The following ZNF33B variants were observed in gnomAD, a reference collection of about 807,000 sequenced individuals.
ZNF33B encodes the protein zinc finger protein 33B.
ZNF33B carries 29 observed loss-of-function variants against 45.8 expected under a neutral mutation model. The ratio of observed to expected loss-of-function variants is 0.63; its 90% confidence interval spans 0.47 to 0.86. ZNF33B has a LOEUF of 0.86. ZNF33B is among the 40% of genes least tolerant of loss of function. The pLI, the probability that ZNF33B is intolerant of heterozygous loss-of-function variation, is 0.00. For missense variants in ZNF33B, 831 were observed against 909.9 expected, an observed-to-expected ratio of 0.91 and a Z score of 1.12; for synonymous variants, 305 against 307.8, an observed-to-expected ratio of 0.99 and a Z score of 0.10.
chr10:42,633,551 T>A (rs928073628), intron 2 of ZNF33B, among the ~76,000 whole-genome samples: 1 of 152,026 alleles, frequency 6.6e-6, no homozygotes, highest in Non-Finnish European at 1.5e-5. Flanking sequence ...AGAAAAAAAA[T>A]GTTTCCTCTG....
downstream of ZNF33B, among the ~76,000 whole-genome samples, chr10:42,587,751 TTGGGAGAGCAGAAGAGTTACTTCCTC>T (rs1564490092): frequency 6.6e-6 from 1 of 152,164 alleles, no homozygotes; most frequent in African/African-American, 2.4e-5. Context: ...GGGTTTTGTA[TTGGGAGAGCAGAAGAGTTACTTCCTC>T]TGGTAATCTG....
chr10:42,624,294 A>T (rs1460276352), intron 4 of ZNF33B, among the ~76,000 whole-genome samples: 2 of 152,212 alleles, frequency 1.3e-5, no homozygotes, highest in Non-Finnish European at 2.9e-5. Context: ...GGAGACATGA[A>T]CATACAGTCT....
intron 2 of ZNF33B, among the ~76,000 whole-genome samples, chr10:42,634,810 A>T (rs1476337761): frequency 6.6e-6 from 1 of 152,244 alleles, no homozygotes; most frequent in East Asian, 1.9e-4. Context: ...ATGCCAAAAC[A>T]ATAAATATTT....
Position 42,591,267 on chromosome 10 carries a change from G to A in ZNF33B, c.*1346C>T, listed in dbSNP as rs1385774316. The stretch of plus-strand genomic sequence containing the variant: ...CCTCTTTCCAGGGCCCTGTCTTGGA[G>A]AGCAGCTGCTTAAAGAAAATTTGGA... On this transcript the variant is annotated 3_prime_UTR_variant, in exon 5 of 5. Transcript: ENST00000359467. 2.2e-6 allele frequency: 2 copies of A among 926,812 alleles called. No homozygotes were observed. Among genetic ancestry groups the A allele is most frequent in the African/African-American group, 1.8e-5 (1 of 55,568 alleles). The allele number at this position is 926,812 out of a possible 1,614,324, so 57.4% of individuals were successfully genotyped here.
intron 2 of ZNF33B, among the ~76,000 whole-genome samples, chr10:42,636,226 A>C (rs1448792073): frequency 6.6e-6 from 1 of 152,248 alleles, no homozygotes. Context: ...ATAAAATAAA[A>C]ATTAAAAAAG....
intron 2 of ZNF33B, chr10:42,636,708 C>T (rs209388): frequency 0.84 from 513,072 of 612,108 alleles, 216,094 homozygotes; most frequent in East Asian, 0.97. Flanking sequence ...TAGTCCCAGC[C>T]AATCGGGAGG....
chr10:42,602,671 G>C (rs534188369), intron 4 of ZNF33B, among the ~76,000 whole-genome samples: 5 of 152,246 alleles, frequency 3.3e-5, no homozygotes, highest in African/African-American at 1.2e-4. Flanking sequence ...GCAGTGCTCA[G>C]TTTGGGGCAC....
chr10:42,577,879 C>T (rs1185562747), intron 1 of ZNF33B, among the ~76,000 whole-genome samples: 13 of 152,192 alleles, frequency 8.5e-5, no homozygotes, highest in African/African-American at 2.9e-4. Context: ...CTGAGGAGGC[C>T]TACATAGAAA....
chr10:42,587,185 C>CA (rs1165437486), downstream of ZNF33B, among the ~76,000 whole-genome samples: 1 of 152,118 alleles, frequency 6.6e-6, no homozygotes, highest in East Asian at 1.9e-4. Flanking sequence ...GATTCAGTTT[C>CA]AACATGACTT....
chr10:42,597,485 T>G (rs767156036), intron 4 of ZNF33B, among the ~76,000 whole-genome samples: 20 of 152,160 alleles, frequency 1.3e-4, no homozygotes, highest in Admixed American at 2.6e-4. Context: ...CATAAGATTT[T>G]CTGGCACTCT....
intron 2 of ZNF33B, among the ~76,000 whole-genome samples, chr10:42,633,952 A>T (rs897548918): frequency 3.0e-5 from 4 of 134,398 alleles, no homozygotes; most frequent in African/African-American, 8.6e-5. Flanking sequence ...CCTGGGTAAC[A>T]AGAGCAAAAC....
chr10:42,581,702 AAC>A (rs1474894473), intron 1 of ZNF33B: 2 of 152,220 alleles, frequency 1.3e-5, no homozygotes, highest in East Asian at 1.9e-4. Flanking sequence ...GAATAGATGA[AAC>A]AGTTTTACAA....
At position 42,593,561 on chromosome 10, in the gene ZNF33B, G is replaced by GT; in HGVS notation, c.1388dup (p.His463GlnfsTer4). The GT allele has an allele frequency of 6.2e-7, 1 of 1,614,036 alleles. No homozygotes were observed. Among genetic ancestry groups the GT allele is most frequent in the South Asian group, 1.1e-5 (1 of 91,080 alleles). ...GACATTCAAAAGGTTTCTCACCTGT[G>GT]TGAGTTCTCTGGTGTACTGTAAGGT... On this transcript the variant is annotated frameshift_variant, in exon 5 of 5. Coordinates refer to ENST00000359467, the MANE Select transcript of ZNF33B (RefSeq NM_006955.3). LOFTEE classifies it high-confidence loss of function.
rs1462449822 is a variant in ZNF33B at position 42,592,886 on chromosome 10, CGT to C, written c.2062_2063del (p.Thr688GlyfsTer6). 6.2e-7 allele frequency: 1 copy of C among 1,613,594 alleles called. No individual in the cohort carries two copies. The highest frequency in any genetic ancestry group is 8.5e-7 in the Non-Finnish European group (1 of 1,179,862). On this transcript the variant is annotated frameshift_variant, in exon 5 of 5. Coordinates refer to ENST00000359467, the MANE Select transcript of ZNF33B (RefSeq NM_006955.3). LOFTEE classifies it high-confidence loss of function. Reference protein sequence around the residue: ...SGLILHERKHTGEKPYECNEC... With the variant: ...SGLILHERKHXGEKPYECNEC... ...CATTGCATTCATAGGGTTTCTCCCC[CGT>C]GTGCTTTCTCTCATGTAAAATAAGT...
chr10:42,610,499 T>C (rs371447728), intron 4 of ZNF33B, among the ~76,000 whole-genome samples: 34 of 152,192 alleles, frequency 2.2e-4, no homozygotes, highest in Middle Eastern at 3.4e-3. Context: ...GATCGCGCCA[T>C]TGCACTCCAC....
chr10:42,617,610 G>A (rs1838382485), intron 4 of ZNF33B, among the ~76,000 whole-genome samples: 3 of 151,980 alleles, frequency 2.0e-5, no homozygotes, highest in African/African-American at 7.3e-5. Context: ...TATAAATTTT[G>A]CCACAGGTAT....
downstream of ZNF33B, among the ~76,000 whole-genome samples, chr10:42,585,283 T>TTA (rs1292834718): frequency 6.6e-6 from 1 of 152,224 alleles, no homozygotes; most frequent in African/African-American, 2.4e-5. Flanking sequence ...CAAAGTGTTT[T>TTA]TATAATGAAC....
At chr10:42,579,628 T>C (rs1836796966) in intron 1 of ZNF33B, 6 of 152,464 alleles carry the variant, frequency 3.9e-5, no homozygotes, top group Admixed American at 2.0e-4. Context: ...CTGGTATCAA[T>C]AGAAGGTCTG....
intron 4 of ZNF33B, among the ~76,000 whole-genome samples, chr10:42,626,995 T>C (rs1191694724): frequency 2.0e-5 from 3 of 151,032 alleles, no homozygotes; most frequent in Non-Finnish European, 4.4e-5. Context: ...ATTTCTTCTA[T>C]GTTGTCATTT....
Sources: allele counts gnomAD v4.1 joint callset (sites outside exome capture counted in the v4.1 genomes callset), GRCh38; gene constraint gnomAD v4.1.1; transcripts MANE v1.5; gene names NCBI Gene and HGNC (gene_info 2026-07-23, HGNC 2026-07-21).